The following ADK variants were observed in gnomAD, a reference collection of about 807,000 sequenced individuals.
The protein encoded by ADK is adenosine kinase, also known as N6,N6-dimethyladenosine kinase.
A neutral mutation model predicts 44.7 loss-of-function variants in ADK; 24 were observed. The observed-to-expected ratio is 0.54, with a 90% confidence interval of 0.39 to 0.76. The LOEUF (loss-of-function observed/expected upper bound fraction) is 0.76, where lower values mean the gene tolerates loss of function less well. Ranked by LOEUF, ADK falls within the 30% of genes least tolerant of loss-of-function variation. ADK has a pLI of 0.00. For missense variants in ADK, 321 were observed against 425.1 expected (o/e 0.76, Z 2.15); for synonymous variants, 128 against 142.6 (o/e 0.90, Z 0.73).
chr10:74,359,099 A>G (rs1173462147), intron 4 of ADK, among the ~76,000 whole-genome samples: 1 of 151,958 alleles, frequency 6.6e-6, no homozygotes, highest in Non-Finnish European at 1.5e-5. Context: ...TCTTTCATCC[A>G]TTTTGAGTTG....
chr10:74,527,610 A>T, intron 7 of ADK: 1 of 779,956 alleles, frequency 1.3e-6, no homozygotes, highest in Non-Finnish European at 2.4e-6. Flanking sequence ...TTGCCGGTGC[A>T]GTGAGAGCAG....
chr10:74,318,935 C>G (rs184026026), intron 4 of ADK, among the ~76,000 whole-genome samples: 1 of 152,294 alleles, frequency 6.6e-6, no homozygotes, highest in Admixed American at 6.5e-5. Flanking sequence ...TTGCACTGGA[C>G]TGACATCAAG....
At chr10:74,437,252 T>G (rs1045512874) in intron 6 of ADK, among the ~76,000 whole-genome samples, 1 of 152,192 alleles carries the variant, frequency 6.6e-6, no homozygotes, top group African/African-American at 2.4e-5. Flanking sequence ...TTTTTGGTAT[T>G]TATGTATTTA....
chr10:74,507,091 G>A (rs1346501893), intron 6 of ADK, among the ~76,000 whole-genome samples: 3 of 152,028 alleles, frequency 2.0e-5, no homozygotes, highest in African/African-American at 7.3e-5. Context: ...ATTAAATTCT[G>A]AAGCTAGTAC....
intron 6 of ADK, among the ~76,000 whole-genome samples, chr10:74,484,958 A>C (rs1384300027): frequency 6.6e-6 from 1 of 152,186 alleles, no homozygotes; most frequent in Non-Finnish European, 1.5e-5. Flanking sequence ...AACTTTTGAG[A>C]ATATCTGTAT....
intron 9 of ADK, among the ~76,000 whole-genome samples, chr10:74,651,166 G>C (rs746750697): frequency 6.6e-6 from 1 of 152,094 alleles, no homozygotes; most frequent in South Asian, 2.1e-4. Flanking sequence ...GCCAAAATTC[G>C]GTATGGTATT....
At chr10:74,290,258 C>G (rs1847359941) in intron 3 of ADK, among the ~76,000 whole-genome samples, 1 of 152,050 alleles carries the variant, frequency 6.6e-6, no homozygotes, top group Admixed American at 6.6e-5. Context: ...GTTTTTCACT[C>G]TGACTTACTG....
intron 7 of ADK, among the ~76,000 whole-genome samples, chr10:74,567,704 T>G (rs1178299339): frequency 1.4e-5 from 2 of 145,244 alleles, no homozygotes; most frequent in Admixed American, 6.8e-5. Context: ...TTTTTGTTTT[T>G]TTTTTTTTTT....
intron 6 of ADK, among the ~76,000 whole-genome samples, chr10:74,435,422 G>A (rs147311556): frequency 6.6e-6 from 1 of 152,254 alleles, no homozygotes; most frequent in East Asian, 1.9e-4. Context: ...GTTATCCACA[G>A]TCATGTGGTT....
intron 9 of ADK, among the ~76,000 whole-genome samples, chr10:74,642,684 A>G (rs1332026435): frequency 6.6e-6 from 1 of 152,044 alleles, no homozygotes; most frequent in African/African-American, 2.4e-5. Flanking sequence ...ACTTCTAGAC[A>G]TCTTTCTACT....
chr10:74,489,210 G>T (rs114288627), intron 6 of ADK, among the ~76,000 whole-genome samples: 24 of 152,036 alleles, frequency 1.6e-4, no homozygotes, highest in African/African-American at 5.8e-4. Flanking sequence ...CTGCTTATAT[G>T]CTTCATCTTC....
intron 6 of ADK, among the ~76,000 whole-genome samples, chr10:74,420,367 T>C (rs1384184367): frequency 1.3e-5 from 2 of 152,206 alleles, no homozygotes; most frequent in Non-Finnish European, 2.9e-5. Context: ...GCTTTAGATC[T>C]ATGAAACTGG....
chr10:74,216,036 C>T (rs78211977), intron 2 of ADK, among the ~76,000 whole-genome samples: 1,982 of 152,206 alleles, frequency 0.013, 43 homozygotes, highest in African/African-American at 0.045. Context: ...ACATAAACAG[C>T]TTCCTTTTTT....
chr10:74,354,837 G>A (rs1388176012), intron 4 of ADK, among the ~76,000 whole-genome samples: 1 of 152,132 alleles, frequency 6.6e-6, no homozygotes, highest in Non-Finnish European at 1.5e-5. Context: ...AGATCAATTA[G>A]CACTTATATT....
At chr10:74,305,753 T>G (rs11000977) in intron 3 of ADK, among the ~76,000 whole-genome samples, 97,791 of 151,844 alleles carry the variant, frequency 0.64, 32,835 homozygotes, top group Middle Eastern at 0.79. Context: ...TAGAAGCAGG[T>G]TCTTGCTTTG....
chr10:74,287,305 A>C (rs993284273), intron 3 of ADK, among the ~76,000 whole-genome samples: 1 of 152,092 alleles, frequency 6.6e-6, no homozygotes, highest in African/African-American at 2.4e-5. Flanking sequence ...TCTACTAAAA[A>C]TACAAAAAAT....
chr10:74,553,190 G>GTTT (rs386371837), intron 7 of ADK, among the ~76,000 whole-genome samples: 1,446 of 60,434 alleles, frequency 0.024, 372 homozygotes, highest in East Asian at 0.075. Flanking sequence ...AGCACATTGT[G>GTTT]TTTTTTTTTT....
intron 6 of ADK, among the ~76,000 whole-genome samples, chr10:74,475,147 C>CA (rs111879675): frequency 0.019 from 2,873 of 149,534 alleles, 61 homozygotes; most frequent in African/African-American, 0.022. Context: ...ACAAAGCAAA[C>CA]AAAAAAAAAC....
At chr10:74,384,237 G>A (rs1843068438) in intron 4 of ADK, among the ~76,000 whole-genome samples, 1 of 152,074 alleles carries the variant, frequency 6.6e-6, no homozygotes, top group Admixed American at 6.6e-5. Context: ...ATAGAATGTA[G>A]CAGGCACTCT....
Sources: gnomAD v4.1 joint callset for allele counts (sites outside exome capture counted in the v4.1 genomes callset) on GRCh38, gnomAD v4.1.1 for gene constraint, MANE v1.5 for transcripts, NCBI Gene and HGNC (gene_info 2026-07-23, HGNC 2026-07-21) for gene names.